The following HECTD4 variants were observed in gnomAD, a reference collection of about 807,000 sequenced individuals.
The protein encoded by HECTD4 is HECT domain E3 ubiquitin protein ligase 4.
In HECTD4, 114 loss-of-function variants were observed where a neutral mutation model predicts 471.5. That is an observed-to-expected ratio of 0.24 (90% CI 0.21 to 0.28). The LOEUF (loss-of-function observed/expected upper bound fraction) is 0.28, where lower values mean the gene tolerates loss of function less well. HECTD4 is among the 10% of genes least tolerant of loss of function. The pLI, the probability that HECTD4 is intolerant of heterozygous loss-of-function variation, is 1.00. For synonymous variants in HECTD4, 2,012 were observed against 2,256.0 expected (o/e 0.89, Z 3.07); for missense variants, 3,866 against 5,651.5 (o/e 0.68, Z 10.13).
At chr12:112,323,187 A>G (rs1044366226) in intron 1 of HECTD4, 1 of 154,458 alleles carries the variant, frequency 6.5e-6, no homozygotes, top group Non-Finnish European at 1.4e-5. Flanking sequence ...AGACCAGCCT[A>G]GTAGTGAGAC....
chr12:112,248,212 A>ACT (rs1304937893), intron 26 of HECTD4, 41 bp from the exon 27 acceptor site: 1 of 1,558,292 alleles, frequency 6.4e-7, no homozygotes, highest in Non-Finnish European at 8.7e-7. Context: ...AAAAACAAGT[A>ACT]TGATTCAAAA....
chr12:112,229,973 C>A, intron 40 of HECTD4, 93 bp from the exon 41 acceptor site: 1 of 1,205,100 alleles, frequency 8.3e-7, no homozygotes, highest in South Asian at 1.6e-5. Flanking sequence ...GCCTGGGTCC[C>A]ATGTATTGAA....
chr12:112,274,194 A>G (rs2034478877), intron 10 of HECTD4, among the ~76,000 whole-genome samples: 1 of 152,260 alleles, frequency 6.6e-6, no homozygotes. Flanking sequence ...CCCACGGCAA[A>G]GAGAAAGTCC....
At position 112,308,271 on chromosome 12, in the gene HECTD4, T is replaced by C. The variant is rs186921347; in HGVS notation, c.1164+482A>G. On this transcript the variant is annotated intron_variant, in intron 6 of 75. Transcript: ENST00000682272. ...CTGCAGTATAATACAGCAAGTGCCATGGCAGAGTGCTTACGAGAGCACTAA... is the reference window on the plus strand; with the variant it reads ...CTGCAGTATAATACAGCAAGTGCCACGGCAGAGTGCTTACGAGAGCACTAA... 4.6e-5 allele frequency among the ~76,000 whole-genome samples: 7 copies of C among 152,294 alleles called. No individual in the cohort carries two copies. In the East Asian group the frequency reaches 7.7e-4, roughly 17 times the overall value.
chr12:112,221,748 T>C (rs980856590), intron 44 of HECTD4, among the ~76,000 whole-genome samples: 1 of 151,418 alleles, frequency 6.6e-6, no homozygotes, highest in East Asian at 1.9e-4. Context: ...CTTGTTTTTC[T>C]TTTTCTTTTC....
chr12:112,189,264 G>A (rs867511434), intron 60 of HECTD4, among the ~76,000 whole-genome samples: 5 of 152,130 alleles, frequency 3.3e-5, no homozygotes, highest in South Asian at 4.2e-4. Context: ...AAGAAATTAC[G>A]GTTCCAGGCC....
At chr12:112,298,721 A>G (rs1343288279) in intron 7 of HECTD4, among the ~76,000 whole-genome samples, 1 of 151,866 alleles carries the variant, frequency 6.6e-6, no homozygotes, top group East Asian at 1.9e-4. Context: ...TGTCTCTACT[A>G]AAAATACAAA....
intron 14 of HECTD4, 123 bp downstream of exon 14, chr12:112,266,789 A>G (rs988503767): frequency 1.5e-6 from 1 of 675,844 alleles, no homozygotes; most frequent in Admixed American, 2.5e-5. Flanking sequence ...GCCTGCAGAT[A>G]CATTTCTTAA....
chr12:112,259,325 C>A, intron 18 of HECTD4, 60 bp from the exon 19 acceptor site: 6 of 1,548,354 alleles, frequency 3.9e-6, no homozygotes, highest in Non-Finnish European at 4.4e-6. Context: ...TGAAGAAGCA[C>A]TAATGTCATC....
At chr12:112,358,617 C>T (rs1242946763) in intron 1 of HECTD4, among the ~76,000 whole-genome samples, 1 of 152,002 alleles carries the variant, frequency 6.6e-6, no homozygotes, top group Non-Finnish European at 1.5e-5. Context: ...TGTCTATGAC[C>T]ATAGACAGAT....
intron 15 of HECTD4, among the ~76,000 whole-genome samples, chr12:112,265,577 T>C (rs1468814220): frequency 6.6e-6 from 1 of 152,196 alleles, no homozygotes; most frequent in East Asian, 1.9e-4. Flanking sequence ...GCCTTTCTCA[T>C]AAACCAGCAA....
chr12:112,253,061 A>G, intron 22 of HECTD4, among the ~76,000 whole-genome samples: 1 of 151,228 alleles, frequency 6.6e-6, no homozygotes, highest in East Asian at 1.9e-4. Context: ...CAGTCTGTCC[A>G]CCTCAGCCTC....
chr12:112,227,629 C>A (rs1003391118), intron 43 of HECTD4, among the ~76,000 whole-genome samples: 2 of 151,992 alleles, frequency 1.3e-5, no homozygotes. Flanking sequence ...GTGGCCTGAA[C>A]CATTTTATTT....
intron 7 of HECTD4, among the ~76,000 whole-genome samples, chr12:112,301,159 T>C (rs2035157043): frequency 6.6e-6 from 1 of 150,980 alleles, no homozygotes; most frequent in South Asian, 2.1e-4. Context: ...GTGCTGGGAT[T>C]ACAGGCATGA....
intron 17 of HECTD4, 21 bp from the exon 18 acceptor site, chr12:112,261,450 T>C (rs1464660284): frequency 6.3e-7 from 1 of 1,584,030 alleles, no homozygotes; most frequent in East Asian, 2.3e-5. Context: ...AATATCATCA[T>C]ATTATTTTTA....
intron 20 of HECTD4, among the ~76,000 whole-genome samples, chr12:112,257,821 C>T (rs1347785634): frequency 1.3e-5 from 2 of 152,158 alleles, no homozygotes; most frequent in Non-Finnish European, 2.9e-5. Context: ...TTGTAAGAAC[C>T]TATGCTTTCT....
chr12:112,276,589 A>G (rs527404983), intron 9 of HECTD4, among the ~76,000 whole-genome samples: 8 of 152,282 alleles, frequency 5.3e-5, no homozygotes, highest in African/African-American at 1.9e-4. Context: ...CTGGGACTAC[A>G]GGCACGCGCC....
At position 112,228,581 on chromosome 12, in the gene HECTD4, C is replaced by CAT. The variant is rs2033298623; in HGVS notation, c.6684+64_6684+65dup. ...TTTGTGCTTCTGCACTGAGCATGTG[C>CAT]ATAGACTCATTACAGTACAGTTACC... On this transcript the variant is annotated intron_variant, in intron 42 of 75. Transcript: ENST00000682272. This position sits in a 1 kb window ranked among gnomAD's most constrained non-coding sequence, Gnocchi z 4.9. 7.1e-7 allele frequency: 1 copy of CAT among 1,400,948 alleles called. No homozygotes were observed. The highest frequency in any genetic ancestry group is 9.8e-7 in the Non-Finnish European group (1 of 1,024,626). 86.8% of individuals were successfully genotyped at this position (1,400,948 alleles called of 1,614,324 possible).
intron 13 of HECTD4, among the ~76,000 whole-genome samples, chr12:112,268,906 G>A (rs1234566285): frequency 1.0e-5 from 1 of 99,928 alleles, no homozygotes; most frequent in Non-Finnish European, 1.8e-5. Flanking sequence ...GCGGAGTTTC[G>A]CTCTGTCGCC....
Sources: allele counts gnomAD v4.1 joint callset (sites outside exome capture counted in the v4.1 genomes callset), GRCh38; gene constraint gnomAD v4.1.1; non-coding constraint Gnocchi (gnomAD v3.1); transcripts MANE v1.5; gene names NCBI Gene and HGNC (gene_info 2026-07-23, HGNC 2026-07-21).